Variants in MALRD1 observed in about 807,000 individuals in gnomAD.
The protein encoded by MALRD1 is MAM and LDL receptor class A domain containing 1.
MALRD1 carries 247 observed loss-of-function variants against 242.1 expected under a neutral mutation model. The ratio of observed to expected loss-of-function variants is 1.02; its 90% CI spans 0.92 to 1.13. MALRD1 has a LOEUF of 1.13. Among genes scored for constraint, MALRD1 ranks in the 50% most tolerant of loss-of-function variants. The pLI, the probability that MALRD1 is intolerant of heterozygous loss-of-function variation, is 0.00. For synonymous variants in MALRD1, 995 were observed against 866.6 expected (o/e 1.15, Z -2.60); for missense variants, 2,989 against 2,533.1 (o/e 1.18, Z -3.86).
intron 18 of MALRD1, among the ~76,000 whole-genome samples, chr10:19,237,347 A>C (rs1443338909): frequency 2.1e-5 from 3 of 144,758 alleles, no homozygotes; most frequent in Non-Finnish European, 3.0e-5. Context: ...CTCTATTAAC[A>C]TTTTTTTTTT....
chr10:19,599,129 T>C (rs1170193518), intron 34 of MALRD1, among the ~76,000 whole-genome samples: 3 of 152,168 alleles, frequency 2.0e-5, no homozygotes, highest in Non-Finnish European at 2.9e-5. Flanking sequence ...TTCAAGAAGT[T>C]GCAATTGGAG....
At chr10:19,301,445 A>G (rs1841946658) in intron 21 of MALRD1, among the ~76,000 whole-genome samples, 1 of 151,900 alleles carries the variant, frequency 6.6e-6, no homozygotes, top group Non-Finnish European at 1.5e-5. Context: ...TCACAATAAC[A>G]AAGACATGGA....
chr10:19,316,973 C>T (rs552041269), intron 21 of MALRD1, among the ~76,000 whole-genome samples: 145 of 151,368 alleles, frequency 9.6e-4, no homozygotes, highest in Non-Finnish European at 1.7e-3. Flanking sequence ...CCAATTTTTC[C>T]ATGATGTAAT....
intron 22 of MALRD1, among the ~76,000 whole-genome samples, chr10:19,325,006 C>CTTTTTTT (rs34290618): frequency 5.6e-4 from 44 of 77,962 alleles, no homozygotes; most frequent in East Asian, 8.5e-4. Context: ...TCAGTAGTTG[C>CTTTTTTT]TTTTTTTTTT....
Position 19,452,404 on chromosome 10 carries a change from G to A in MALRD1, c.5029+1914G>A, listed in dbSNP as rs1359949715. Among the ~76,000 whole-genome samples the A allele has an allele frequency of 2.6e-5, 4 of 152,100 alleles. No individual in the cohort carries two copies. In the South Asian group the frequency reaches 6.2e-4, roughly 24 times the overall value. On this transcript the variant is annotated intron_variant, in intron 29 of 39. Coordinates refer to ENST00000454679, the MANE Select transcript of MALRD1 (RefSeq NM_001142308.3). ...ACTAAGTTATACTTTAATATCTTAC[G>A]TTTAGTGATCAACTGCTTTTAGGCC...
At chr10:19,516,902 CTT>C (rs1437603884) in intron 31 of MALRD1, among the ~76,000 whole-genome samples, 2 of 152,138 alleles carry the variant, frequency 1.3e-5, no homozygotes, top group Admixed American at 1.3e-4. Flanking sequence ...AGAGCTTAAA[CTT>C]TAGGCTTAAA....
intron 7 of MALRD1, among the ~76,000 whole-genome samples, chr10:19,125,021 C>T (rs1309938968): frequency 1.5e-5 from 2 of 137,738 alleles, no homozygotes; most frequent in Non-Finnish European, 3.1e-5. Context: ...TCTCGGCCCA[C>T]TGCAACCCCC....
chr10:19,411,657 A>G (rs1006818263), intron 28 of MALRD1, among the ~76,000 whole-genome samples: 3 of 152,138 alleles, frequency 2.0e-5, no homozygotes, highest in African/African-American at 4.8e-5. Flanking sequence ...GCGCTTAACT[A>G]TCACCCCAGA....
intron 26 of MALRD1, among the ~76,000 whole-genome samples, chr10:19,374,903 T>A (rs1182590301): frequency 6.6e-6 from 1 of 152,158 alleles, no homozygotes; most frequent in Non-Finnish European, 1.5e-5. Context: ...TTCTGGGCAG[T>A]CATGTAACCA....
At chr10:19,515,451 G>C (rs1833581501) in intron 31 of MALRD1, among the ~76,000 whole-genome samples, 1 of 152,084 alleles carries the variant, frequency 6.6e-6, no homozygotes, top group Non-Finnish European at 1.5e-5. Context: ...AACTGTAGAA[G>C]AGGCAAAATT....
chr10:19,494,793 A>G (rs549070927), intron 30 of MALRD1, among the ~76,000 whole-genome samples: 9 of 152,202 alleles, frequency 5.9e-5, no homozygotes, highest in African/African-American at 2.2e-4. Context: ...GGCCAAATCT[A>G]TGAATCACTG....
chr10:19,337,437 C>T (rs1222692832), intron 24 of MALRD1, among the ~76,000 whole-genome samples: 1 of 151,994 alleles, frequency 6.6e-6, no homozygotes, highest in Non-Finnish European at 1.5e-5. Flanking sequence ...TTAGTTATAG[C>T]CATCCTAGGG....
intron 19 of MALRD1, among the ~76,000 whole-genome samples, chr10:19,263,612 A>G (rs567230739): frequency 3.3e-5 from 5 of 152,054 alleles, no homozygotes; most frequent in South Asian, 2.1e-4. Flanking sequence ...ATTTTTGTAC[A>G]TGATGTAAGA....
At chr10:19,433,632 C>T (rs1834234862) in intron 28 of MALRD1, among the ~76,000 whole-genome samples, 1 of 152,032 alleles carries the variant, frequency 6.6e-6, no homozygotes, top group African/African-American at 2.4e-5. Flanking sequence ...GATCTAGAGG[C>T]AGCTGTCAGA....
chr10:19,320,969 T>C (rs752031685), intron 21 of MALRD1, among the ~76,000 whole-genome samples: 6 of 152,144 alleles, frequency 3.9e-5, no homozygotes, highest in Admixed American at 6.6e-5. Context: ...TTCTGGATAT[T>C]AGAACTTTGT....
At chr10:19,185,112 TATACTGGAAAATGAAG>T (rs1434744188) in intron 14 of MALRD1, among the ~76,000 whole-genome samples, 1 of 152,210 alleles carries the variant, frequency 6.6e-6, no homozygotes, top group East Asian at 1.9e-4. Flanking sequence ...AGATAATGTG[TATACTGGAAAATGAAG>T]ATATTATGTG....
At chr10:19,100,472 A>G (rs1280131160) in intron 4 of MALRD1, among the ~76,000 whole-genome samples, 2 of 152,290 alleles carry the variant, frequency 1.3e-5, no homozygotes, top group Non-Finnish European at 2.9e-5. Context: ...TGGGAGAGGA[A>G]ATAAGAATGA....
intron 5 of MALRD1, among the ~76,000 whole-genome samples, chr10:19,119,891 G>C (rs1837000705): frequency 6.6e-6 from 1 of 152,196 alleles, no homozygotes; most frequent in Non-Finnish European, 1.5e-5. Context: ...GAAGTTAGAA[G>C]CAAGATGGAG....
intron 33 of MALRD1, 147 bp from the exon 34 acceptor site, chr10:19,595,047 G>T: frequency 1.4e-6 from 1 of 719,668 alleles, no homozygotes; most frequent in Non-Finnish European, 2.2e-6. Context: ...AGGTTTGTAG[G>T]CATCATATTA....
Sources: allele counts gnomAD v4.1 joint callset (sites outside exome capture counted in the v4.1 genomes callset), GRCh38; gene constraint gnomAD v4.1.1; transcripts MANE v1.5; gene names NCBI Gene and HGNC (gene_info 2026-07-23, HGNC 2026-07-21).